The following AJUBA variants were observed in gnomAD, a reference collection of about 807,000 sequenced individuals.
The protein encoded by AJUBA is ajuba LIM protein, also known as LIM domain-containing protein ajuba.
AJUBA carries 20 observed loss-of-function variants against 53.3 expected under a neutral mutation model. The observed-to-expected ratio is 0.38, with a 90% CI of 0.26 to 0.55. The LOEUF is 0.55. AJUBA is among the 20% of genes least tolerant of loss of function. AJUBA has a pLI of 0.80. For synonymous variants in AJUBA, 296 were observed against 306.2 expected, an observed-to-expected ratio of 0.97 and a Z score of 0.35; for missense variants, 580 against 730.5, an observed-to-expected ratio of 0.79 and a Z score of 2.38.
intron 4 of AJUBA, among the ~76,000 whole-genome samples, chr14:22,976,105 G>A (rs985458457): frequency 6.9e-6 from 1 of 145,946 alleles, no homozygotes; most frequent in African/African-American, 2.6e-5. Flanking sequence ...GGAGGTTGCA[G>A]TGAGCCGAGA....
At position 22,981,248 on chromosome 14, in the gene AJUBA, TTC is replaced by T. The variant is rs749206820; in HGVS notation, c.1006+11_1006+12del. 1 of 1,589,912 alleles carries T rather than the reference TTC, an allele frequency of 6.3e-7. No individual in the cohort carries two copies. Among genetic ancestry groups the T allele is most frequent in the South Asian group, 1.1e-5 (1 of 88,286 alleles). On this transcript the variant is annotated intron_variant, in intron 1 of 7. Transcript: ENST00000262713. ...CGGGTCCCTTCCCGTCCCTAACCAC[TTC>T]TCTCACTCACCGAAGTAGTCCTCCC...
Position 22,974,101 on chromosome 14 carries a change from G to A in AJUBA, c.1437C>T (p.Ile479=), listed in dbSNP as rs146599877. Reference sequence around the variant, plus strand: ...CCCGGTCCATGGATATCACCCTCACGATGTCCTCACAGCCCTGAAACATGC... The same window carrying A: ...CCCGGTCCATGGATATCACCCTCACAATGTCCTCACAGCCCTGAAACATGC... ...PILPSEGCED[I]VRVISMDRDY... is the part of the protein sequence containing the mutation. The change falls in exon 7 of 8, where the codon ATC becomes ATT. Residue 479 remains isoleucine, a synonymous_variant. Transcript: ENST00000262713. The A allele has an allele frequency of 5.1e-5, 83 of 1,614,018 alleles. No individual in the cohort carries two copies. The highest frequency in any genetic ancestry group is 1.9e-4 in the African/African-American group (14 of 75,006).
chr14:22,976,050 C>G (rs561055020), intron 4 of AJUBA, among the ~76,000 whole-genome samples: 3 of 150,018 alleles, frequency 2.0e-5, no homozygotes, highest in African/African-American at 7.4e-5. Flanking sequence ...GTAGTCCTAG[C>G]TACTTGGGAG....
At chr14:22,976,388 C>G in intron 4 of AJUBA, 68 bp downstream of exon 4, 2 of 1,470,142 alleles carry the variant, frequency 1.4e-6, no homozygotes, top group Non-Finnish European at 1.9e-6. Flanking sequence ...CTCTCAATAT[C>G]CATTTAGTCC....
intron 1 of AJUBA, 23 bp downstream of exon 1, chr14:22,981,238 C>T (rs373450427): frequency 5.9e-5 from 93 of 1,577,308 alleles, no homozygotes; most frequent in Non-Finnish European, 6.8e-5. Flanking sequence ...CCCTTCCCGT[C>T]CCTAACCACT....
At chr14:22,974,674 T>G in intron 6 of AJUBA, 165 bp downstream of exon 6, 1 of 741,522 alleles carries the variant, frequency 1.3e-6, no homozygotes, top group Non-Finnish European at 2.1e-6. Context: ...GGCCCGGATA[T>G]TAGGGTCAGG....
At position 22,981,430 on chromosome 14, in the gene AJUBA, C is replaced by T. The variant is rs201376254; in HGVS notation, c.837G>A (p.Glu279=). 1.2e-6 allele frequency: 2 copies of T among 1,611,762 alleles called. No individual in the cohort carries two copies. Among genetic ancestry groups the T allele is most frequent in the African/African-American group, 2.7e-5 (2 of 74,944 alleles). The change falls in exon 1 of 8, where the codon GAG becomes GAA. Residue 279 remains glutamate (E), a synonymous_variant. Transcript: ENST00000262713. The part of the protein sequence containing the change: ...DCAVGARYQD[E]LTALLRLTVG... ...CCGTCAGGCGAAGCAAAGCTGTTAG[C>T]TCGTCCTGGTACCGGGCGCCCACGG...
At chr14:22,974,648 CT>C in intron 6 of AJUBA, 190 bp downstream of exon 6, 1 of 620,678 alleles carries the variant, frequency 1.6e-6, no homozygotes, top group Non-Finnish European at 2.7e-6. Flanking sequence ...CCCAGTTAGG[CT>C]TTCAGACATG....
At chr14:22,978,132 G>A (rs6572891) in intron 2 of AJUBA, among the ~76,000 whole-genome samples, 68,836 of 151,836 alleles carry the variant, frequency 0.45, 16,866 homozygotes, top group African/African-American at 0.64. Context: ...TCCAGAAAGG[G>A]GACCCACCAG....
At position 22,973,471 on chromosome 14, in the gene AJUBA, G is replaced by C; in HGVS notation, c.1589C>G (p.Ala530Gly). Residue 530 changes from alanine (A) to glycine (G), a missense_variant, in exon 8 of 8, where the codon GCC becomes GGC. Physicochemically the swap from Ala to Gly is moderately conservative, Grantham distance 60 (BLOSUM62 0). Coordinates refer to ENST00000262713, the MANE Select transcript of AJUBA (RefSeq NM_032876.6). ...GATATAGTTGGCAGGGGGTTGTCGG[G>C]CATTGAGCCGCTGCATGTGGCAACC... is the stretch of plus-strand genomic sequence containing the variant. ...CHGCHMQRLN[A>G]RQPPANYI is the part of the protein sequence containing the mutation. 6.2e-7 allele frequency: 1 copy of C among 1,613,260 alleles called. No individual in the cohort carries two copies. Among genetic ancestry groups the C allele is most frequent in the Non-Finnish European group, 8.5e-7 (1 of 1,179,642 alleles).
Position 22,982,107 on chromosome 14 carries a change from C to G in AJUBA, c.160G>C (p.Gly54Arg), listed in dbSNP as rs1337725985. Residue 54 changes from glycine to arginine, a missense_variant, in exon 1 of 8, where the codon GGG (glycine) becomes CGG (arginine). Physicochemically the swap from Gly to Arg is moderately radical, Grantham distance 125. Transcript: ENST00000262713. ...TCCAACGGCTCATCCCCAGGTCCCC[C>G]AGTAGCTCCTCGGGGCCCTGACTTC... ...PRKSGPRGAT[G>R]GPGDEPLEPA... The G allele has an allele frequency of 3.1e-6, 5 of 1,597,616 alleles. No individual in the cohort carries two copies. The highest frequency in any genetic ancestry group is 4.3e-6 in the Non-Finnish European group (5 of 1,173,816).
At position 22,979,046 on chromosome 14, in the gene AJUBA, G is replaced by C; in HGVS notation, c.1007-601C>G. Reference sequence around the variant, plus strand: ...CATGTGAGCATGATTCCTGTGGGGAGGTGGCTGCTGAGAATGCAGGGTGTG... The same window carrying C: ...CATGTGAGCATGATTCCTGTGGGGACGTGGCTGCTGAGAATGCAGGGTGTG... On this transcript the variant is annotated intron_variant, in intron 1 of 7. Coordinates refer to ENST00000262713, the MANE Select transcript of AJUBA (RefSeq NM_032876.6). The surrounding 1 kb of genome is among the most constrained non-coding windows in gnomAD (Gnocchi z 4.0). The C allele has an allele frequency of 7.8e-7, 1 of 1,288,962 alleles. No homozygotes were observed. The highest frequency in any genetic ancestry group is 1.2e-5 in the South Asian group (1 of 80,984). The allele number at this position is 1,288,962 out of a possible 1,614,324, so 79.8% of individuals were successfully genotyped here. A position where few individuals can be genotyped will look rare whatever the true frequency, so the allele number is the denominator to read the frequency against.
In AJUBA at chr14:22,978,341, C is replaced by T. The variant is rs777875023; in HGVS notation, c.1108+3G>A. 2.5e-6 allele frequency: 4 copies of T among 1,612,758 alleles called. No individual in the cohort carries two copies. Among genetic ancestry groups the T allele is most frequent in the East Asian group, 2.2e-5 (1 of 44,810 alleles). Reference sequence around the variant, plus strand: ...AGTGCTTGAGTATTGGGGCTACACTCACCACAAGAGCAGCAAACAAAGCAC... The same window carrying T: ...AGTGCTTGAGTATTGGGGCTACACTTACCACAAGAGCAGCAAACAAAGCAC... On this transcript the variant is annotated splice_donor_region_variant and intron_variant, in intron 2 of 7. Transcript: ENST00000262713.
At position 22,979,184 on chromosome 14, in the gene AJUBA, A is replaced by C. The variant is rs551851109; in HGVS notation, c.1007-739T>G. 8 of 1,170,212 alleles carry C rather than the reference A, an allele frequency of 6.8e-6. No individual in the cohort carries two copies. In the South Asian group the frequency reaches 9.6e-5, roughly 14 times the overall value. 72.5% of individuals were successfully genotyped at this position (1,170,212 alleles called of 1,614,324 possible). On this transcript the variant is annotated intron_variant, in intron 1 of 7. Coordinates refer to ENST00000262713, the MANE Select transcript of AJUBA (RefSeq NM_032876.6). This position sits in a 1 kb window ranked among gnomAD's most constrained non-coding sequence, Gnocchi z 4.0. The stretch of plus-strand genomic sequence containing the variant: ...AGAACTGAACTGCTTGCTATTCCCC[A>C]AAATCCCCCACTAAGATATATACAC...
In AJUBA at chr14:22,982,272, C is replaced by T. The variant is rs761599587; in HGVS notation, c.-6G>A. 12 of 1,613,004 alleles carry T rather than the reference C, an allele frequency of 7.4e-6. No individual in the cohort carries two copies. The African/African-American group carries it at 1.3e-4, about 18-fold the overall frequency. On this transcript the variant is annotated 5_prime_UTR_variant, in exon 1 of 8. Coordinates refer to ENST00000262713, the MANE Select transcript of AJUBA (RefSeq NM_032876.6). ...TTCTCTCCTAACCGCTCCATGCCCT[C>T]GGGCCTGGGGCCTCTCGCCCCCTCC...
intron 1 of AJUBA, among the ~76,000 whole-genome samples, chr14:22,981,022 G>T (rs976317127): frequency 6.6e-6 from 1 of 152,044 alleles, no homozygotes; most frequent in East Asian, 1.9e-4. Context: ...CTTGAGAAAC[G>T]GACTCACGAG....
At chr14:22,976,868 C>A in intron 2 of AJUBA, 156 bp from the exon 3 acceptor site, 1 of 1,433,980 alleles carries the variant, frequency 7.0e-7, no homozygotes, top group South Asian at 1.5e-5. Flanking sequence ...AAAATTCCAT[C>A]TGATGCAATT....
intron 6 of AJUBA, 119 bp downstream of exon 6, chr14:22,974,720 T>G: frequency 1.7e-6 from 2 of 1,207,294 alleles, no homozygotes; most frequent in Non-Finnish European, 2.3e-6. Flanking sequence ...CACGGGAATC[T>G]TCACAGAGTA....
At chr14:22,974,638 C>T (rs1360281384) in intron 6 of AJUBA, 3 of 588,028 alleles carry the variant, frequency 5.1e-6, no homozygotes, top group African/African-American at 1.9e-5. Flanking sequence ...GGAGCCTGGG[C>T]CCAGTTAGGC....
Sources: allele counts gnomAD v4.1 joint callset (sites outside exome capture counted in the v4.1 genomes callset), GRCh38; gene constraint gnomAD v4.1.1; non-coding constraint Gnocchi (gnomAD v3.1); transcripts MANE v1.5; gene names NCBI Gene and HGNC (gene_info 2026-07-23, HGNC 2026-07-21).